CSNK1G2: variants seen among roughly 807,000 people sequenced by gnomAD.
CSNK1G2 encodes the protein casein kinase 1 gamma 2.
A neutral mutation model predicts 48.0 loss-of-function variants in CSNK1G2; 11 were observed. That is an observed-to-expected ratio of 0.23 (90% CI 0.14 to 0.38). CSNK1G2 has a LOEUF of 0.38. CSNK1G2 is among the 10% of genes least tolerant of loss of function. The pLI is 1.00. For missense variants in CSNK1G2, 446 were observed against 595.5 expected (o/e 0.75, Z 2.61); for synonymous variants, 337 against 254.1 (o/e 1.33, Z -3.10).
chr19:1,976,253 AC>A, intron 2 of CSNK1G2: 1 of 506,904 alleles, frequency 2.0e-6, no homozygotes, highest in Non-Finnish European at 3.3e-6. Flanking sequence ...AAACGCGGGG[AC>A]CAGCCCTGGT....
chr19:1,942,262 CCTCT>C (rs1463158491), intron 1 of CSNK1G2, among the ~76,000 whole-genome samples: 1 of 152,212 alleles, frequency 6.6e-6, no homozygotes, highest in Non-Finnish European at 1.5e-5. Flanking sequence ...CCGCCTGGCT[CCTCT>C]CTCCCAACTT....
intron 1 of CSNK1G2, among the ~76,000 whole-genome samples, chr19:1,961,188 T>C (rs2015187132): frequency 6.6e-6 from 1 of 152,192 alleles, no homozygotes; most frequent in Non-Finnish European, 1.5e-5. Context: ...GCCCTGGCCG[T>C]CGCGGTTGTG....
In CSNK1G2 at chr19:1,950,884, G is replaced by A. The variant is rs1443321514; in HGVS notation, c.-266+9466G>A. On this transcript the variant is annotated intron_variant, in intron 1 of 11. Transcript: ENST00000255641. ...GGTGGGGGTTATGGGGTATCATGGC[G>A]GAGCGTGTTGGGAAGTTTTCGGTGA... Among the ~76,000 whole-genome samples, 15 of 146,160 alleles carry A rather than the reference G, an allele frequency of 1.0e-4. 3 individuals are homozygous for A. The highest frequency in any genetic ancestry group is 2.1e-4 in the African/African-American group (8 of 38,172).
chr19:1,956,004 C>T (rs2014985245), intron 1 of CSNK1G2, among the ~76,000 whole-genome samples: 1 of 152,196 alleles, frequency 6.6e-6, no homozygotes, highest in Admixed American at 6.5e-5. Flanking sequence ...AGGGTCGGCA[C>T]ACAGCCCGGG....
At chr19:1,948,518 TCTCAAAAAAAAAAAAAAAAAA>T (rs1325627789) in intron 1 of CSNK1G2, among the ~76,000 whole-genome samples, 1 of 86,192 alleles carries the variant, frequency 1.2e-5, no homozygotes, top group African/African-American at 4.5e-5. Flanking sequence ...TGAGACTCCG[TCTCAAAAAAAAAAAAAAAAAA>T]CGCAAAAAAA....
chr19:1,971,930 C>A (rs542427113), intron 2 of CSNK1G2, among the ~76,000 whole-genome samples: 1 of 152,122 alleles, frequency 6.6e-6, no homozygotes, highest in African/African-American at 2.4e-5. Context: ...CCACCACACC[C>A]GGCTAATATT....
Position 1,951,402 on chromosome 19 carries a change from C to CA in CSNK1G2, c.-266+9994dup, listed in dbSNP as rs1215298475. 8.9e-4 allele frequency among the ~76,000 whole-genome samples: 121 copies of CA among 135,944 alleles called. 7 individuals are homozygous for CA. The highest frequency in any genetic ancestry group is 5.7e-3 in the South Asian group (24 of 4,198). The allele number at this position is 135,944 out of a possible 152,430, so 89.2% of individuals were successfully genotyped here. A position where few individuals can be genotyped will look rare whatever the true frequency, so the allele number is the denominator to read the frequency against. On this transcript the variant is annotated intron_variant, in intron 1 of 11. Coordinates refer to ENST00000255641, the MANE Select transcript of CSNK1G2 (RefSeq NM_001319.7). The stretch of plus-strand genomic sequence containing the variant: ...TGGGCGACAGAGTGAGACTCCGTCT[C>CA]AAAAAAAAAATAAAAAAAATCAAAG...
intron 2 of CSNK1G2, among the ~76,000 whole-genome samples, chr19:1,976,832 C>T (rs777907381): frequency 5.9e-4 from 89 of 152,010 alleles, no homozygotes; most frequent in Non-Finnish European, 9.1e-4. Flanking sequence ...CTTCACCTCC[C>T]GGGTTCAGGC....
At chr19:1,950,750 C>G (rs1157086853) in intron 1 of CSNK1G2, among the ~76,000 whole-genome samples, 2 of 145,622 alleles carry the variant, frequency 1.4e-5, no homozygotes, top group African/African-American at 5.3e-5. Context: ...GTCCCCCTGC[C>G]TCCCTCCAGC....
At chr19:1,942,148 C>T (rs2014390683) in intron 1 of CSNK1G2, among the ~76,000 whole-genome samples, 2 of 152,230 alleles carry the variant, frequency 1.3e-5, no homozygotes, top group South Asian at 2.1e-4. Context: ...CCCCCTCCCC[C>T]TTCCGCTGTG....
intron 2 of CSNK1G2, among the ~76,000 whole-genome samples, chr19:1,972,102 C>T (rs569584394): frequency 4.6e-5 from 7 of 152,316 alleles, no homozygotes; most frequent in East Asian, 1.9e-4. Context: ...TTGCGGTTTG[C>T]GCTCTCTTCA....
At chr19:1,964,874 C>T (rs1169783268) in intron 1 of CSNK1G2, among the ~76,000 whole-genome samples, 1 of 151,548 alleles carries the variant, frequency 6.6e-6, no homozygotes, top group Non-Finnish European at 1.5e-5. Flanking sequence ...TACAGGAGCC[C>T]ACGACCATGC....
intron 1 of CSNK1G2, among the ~76,000 whole-genome samples, chr19:1,963,011 T>G (rs977407924): frequency 5.1e-5 from 7 of 136,008 alleles, no homozygotes; most frequent in Non-Finnish European, 1.6e-5. Flanking sequence ...AAGCTCTGAC[T>G]CAGGCCACGG....
rs187894037 is a variant in CSNK1G2, at chr19:1,953,803, G to A, written c.-266+12385G>A. 6.3e-3 allele frequency: 3,210 copies of A among 509,204 alleles called. 19 individuals are homozygous for A. The highest frequency in any genetic ancestry group is 0.01 in the Non-Finnish European group (2,477 of 243,908). 31.5% of individuals were successfully genotyped at this position (509,204 alleles called of 1,614,324 possible). A position where few individuals can be genotyped will look rare whatever the true frequency, so the allele number is the denominator to read the frequency against. ...CCCGCATCAGGGTCCGGTCCTGGCC[G>A]CTGTACCGCGATCACCTGTGGCCCT... On this transcript the variant is annotated intron_variant, in intron 1 of 11. Coordinates refer to ENST00000255641, the MANE Select transcript of CSNK1G2 (RefSeq NM_001319.7).
chr19:1,956,826 C>T (rs2015016450), intron 1 of CSNK1G2, among the ~76,000 whole-genome samples: 1 of 152,234 alleles, frequency 6.6e-6, no homozygotes, highest in Admixed American at 6.5e-5. Flanking sequence ...GCCAGGAGGA[C>T]ACCCCAGAGA....
chr19:1,951,932 G>A (rs1049839979), intron 1 of CSNK1G2, among the ~76,000 whole-genome samples: 3 of 152,126 alleles, frequency 2.0e-5, no homozygotes, highest in Non-Finnish European at 2.9e-5. Flanking sequence ...CACCCGCCTC[G>A]GCCTTCCAAA....
chr19:1,948,916 A>G (rs1185401515), intron 1 of CSNK1G2, among the ~76,000 whole-genome samples: 2 of 152,200 alleles, frequency 1.3e-5, no homozygotes, highest in African/African-American at 2.4e-5. Flanking sequence ...ACATGTGGAG[A>G]AAAGCAGAAG....
intron 1 of CSNK1G2, chr19:1,953,012 CT>C (rs2014833606): frequency 2.4e-6 from 1 of 410,698 alleles, no homozygotes; most frequent in Non-Finnish European, 4.8e-6. Flanking sequence ...GAGACTCCGT[CT>C]GAAAAAAAAA....
At chr19:1,972,258 G>T (rs1444023604) in intron 2 of CSNK1G2, among the ~76,000 whole-genome samples, 1 of 152,186 alleles carries the variant, frequency 6.6e-6, no homozygotes, top group Non-Finnish European at 1.5e-5. Context: ...CTGGATTTGG[G>T]CCCTTCTGAA....
Sources: allele counts gnomAD v4.1 joint callset (sites outside exome capture counted in the v4.1 genomes callset), GRCh38; gene constraint gnomAD v4.1.1; transcripts MANE v1.5; gene names NCBI Gene and HGNC (gene_info 2026-07-23, HGNC 2026-07-21).